Variants in PTPRG observed in about 807,000 individuals in gnomAD.
The protein encoded by PTPRG is protein tyrosine phosphatase receptor type G.
Under a neutral mutation model 165.3 loss-of-function variants are expected in PTPRG, and 102 were observed. The observed-to-expected ratio is 0.62, with a 90% CI of 0.53 to 0.73. The LOEUF (loss-of-function observed/expected upper bound fraction) is 0.73, where lower values mean the gene tolerates loss of function less well. PTPRG is among the 30% of genes least tolerant of loss of function. PTPRG has a pLI of 0.00. For missense variants in PTPRG, 1,866 were observed against 1,861.4 expected (o/e 1.00, Z -0.05); for synonymous variants, 675 against 669.5 (o/e 1.01, Z -0.13).
intron 2 of PTPRG, among the ~76,000 whole-genome samples, chr3:61,904,469 TC>T (rs2107527244): frequency 6.6e-6 from 1 of 152,278 alleles, no homozygotes; most frequent in Admixed American, 6.5e-5. Flanking sequence ...CAAGCCTGCT[TC>T]CCAGGACTTT....
At chr3:61,893,651 T>C (rs2038276028) in intron 2 of PTPRG, among the ~76,000 whole-genome samples, 1 of 152,222 alleles carries the variant, frequency 6.6e-6, no homozygotes, top group South Asian at 2.1e-4. Context: ...AGTCTTTATG[T>C]GAAACATTTT....
At chr3:61,824,936 C>G (rs1168364382) in intron 2 of PTPRG, among the ~76,000 whole-genome samples, 1 of 152,182 alleles carries the variant, frequency 6.6e-6, no homozygotes, top group African/African-American at 2.4e-5. Flanking sequence ...ACAGAAAACC[C>G]TTGTGGATAT....
At chr3:62,167,848 C>T (rs1205587843) in intron 7 of PTPRG, 123 bp from the exon 8 acceptor site, 2 of 949,344 alleles carry the variant, frequency 2.1e-6, no homozygotes, top group Admixed American at 4.5e-5. Flanking sequence ...TGGCATTGGG[C>T]ACTTCCTACC....
At chr3:62,053,248 T>G (rs1458726321) in intron 4 of PTPRG, among the ~76,000 whole-genome samples, 1 of 150,702 alleles carries the variant, frequency 6.6e-6, no homozygotes, top group Non-Finnish European at 1.5e-5. Context: ...ATCTGTATTT[T>G]GAACTTCACT....
chr3:61,730,723 G>A (rs552357801), intron 1 of PTPRG, among the ~76,000 whole-genome samples: 1 of 152,314 alleles, frequency 6.6e-6, no homozygotes, highest in South Asian at 2.1e-4. Flanking sequence ...TCTAAGATGA[G>A]TGGTCATGTG....
intron 4 of PTPRG, among the ~76,000 whole-genome samples, chr3:62,062,698 T>C (rs1344144580): frequency 6.6e-6 from 1 of 152,090 alleles, no homozygotes; most frequent in African/African-American, 2.4e-5. Flanking sequence ...AGGCAGGATC[T>C]CATTGTGTTA....
At chr3:61,747,243 A>G (rs2033245457) in intron 1 of PTPRG, among the ~76,000 whole-genome samples, 1 of 152,216 alleles carries the variant, frequency 6.6e-6, no homozygotes, top group South Asian at 2.1e-4. Flanking sequence ...TCCATTTTAC[A>G]GTCAAGGAAA....
chr3:61,671,889 C>G (rs768366663), intron 1 of PTPRG, among the ~76,000 whole-genome samples: 3 of 137,818 alleles, frequency 2.2e-5, no homozygotes, highest in Non-Finnish European at 4.7e-5. Flanking sequence ...GCTGGATGGG[C>G]GGGGGGGGCT....
At chr3:62,123,917 C>G (rs565771465) in intron 5 of PTPRG, among the ~76,000 whole-genome samples, 2 of 152,076 alleles carry the variant, frequency 1.3e-5, no homozygotes, top group African/African-American at 4.8e-5. Context: ...GTGATTTTAA[C>G]GTTTTCGCTC....
intron 4 of PTPRG, among the ~76,000 whole-genome samples, chr3:62,068,370 A>G (rs1355093940): frequency 6.6e-6 from 1 of 152,182 alleles, no homozygotes; most frequent in African/African-American, 2.4e-5. Flanking sequence ...TGCTCCGTCA[A>G]GCAGGTAAGT....
intron 2 of PTPRG, chr3:61,770,602 A>C (rs1350459896): frequency 1.3e-5 from 2 of 152,102 alleles, no homozygotes; most frequent in African/African-American, 4.8e-5. Context: ...CATTTAATCT[A>C]GTTTCATTTG....
chr3:61,606,689 A>G (rs1463606311), intron 1 of PTPRG, among the ~76,000 whole-genome samples: 1 of 152,206 alleles, frequency 6.6e-6, no homozygotes, highest in Non-Finnish European at 1.5e-5. Flanking sequence ...GGCAAGGGCT[A>G]CATCCTCCAG....
At chr3:62,108,098 A>C (rs1437002498) in intron 5 of PTPRG, among the ~76,000 whole-genome samples, 1 of 151,316 alleles carries the variant, frequency 6.6e-6, no homozygotes, top group Non-Finnish European at 1.5e-5. Flanking sequence ...CAGAATGTGC[A>C]GGTTTGTTAC....
intron 2 of PTPRG, among the ~76,000 whole-genome samples, chr3:61,898,399 T>G (rs1289632710): frequency 3.3e-5 from 5 of 152,194 alleles, no homozygotes; most frequent in African/African-American, 1.2e-4. Context: ...CCGGCCTCAT[T>G]GTTTGCCCTT....
At chr3:62,098,264 A>C (rs1702181609) in intron 5 of PTPRG, among the ~76,000 whole-genome samples, 1 of 152,220 alleles carries the variant, frequency 6.6e-6, no homozygotes, top group Non-Finnish European at 1.5e-5. Flanking sequence ...AATAAAAAAA[A>C]ATACAACAAT....
chr3:61,625,059 A>G (rs910565036), intron 1 of PTPRG, among the ~76,000 whole-genome samples: 1 of 151,414 alleles, frequency 6.6e-6, no homozygotes, highest in African/African-American at 2.4e-5. Context: ...CTTTACGCAT[A>G]TCTCTGTGTT....
At chr3:61,614,986 T>C (rs1276375443) in intron 1 of PTPRG, among the ~76,000 whole-genome samples, 1 of 152,156 alleles carries the variant, frequency 6.6e-6, no homozygotes, top group Non-Finnish European at 1.5e-5. Context: ...AAACACACCA[T>C]GCGCTCCACC....
intron 8 of PTPRG, among the ~76,000 whole-genome samples, chr3:62,186,337 C>G (rs73098561): frequency 0.084 from 12,800 of 152,050 alleles, 767 homozygotes; most frequent in East Asian, 0.34. Context: ...CTCATTCCGT[C>G]AGAGAAACGC....
chr3:61,897,659 A>C (rs898343586), intron 2 of PTPRG, among the ~76,000 whole-genome samples: 4 of 152,192 alleles, frequency 2.6e-5, no homozygotes, highest in Non-Finnish European at 4.4e-5. Flanking sequence ...AATAGTATAG[A>C]TCAGTTTGGG....
Sources: gnomAD v4.1 joint callset for allele counts (sites outside exome capture counted in the v4.1 genomes callset) on GRCh38, gnomAD v4.1.1 for gene constraint, MANE v1.5 for transcripts, NCBI Gene and HGNC (gene_info 2026-07-23, HGNC 2026-07-21) for gene names.